The following ASIC2 variants were observed in gnomAD, a reference collection of about 807,000 sequenced individuals.
The protein encoded by ASIC2 is acid sensing ion channel subunit 2.
In ASIC2, 25 loss-of-function variants were observed where a neutral mutation model predicts 57.3. The observed-to-expected ratio is 0.44, with a 90% confidence interval of 0.32 to 0.61. The LOEUF is 0.61. ASIC2 is among the 20% of genes least tolerant of loss of function. The probability of loss-of-function intolerance (pLI) is 0.06; values close to 1 mark genes in which losing one functional copy is unlikely to be tolerated. For missense variants in ASIC2, 641 were observed against 738.1 expected (o/e 0.87, Z 1.52); for synonymous variants, 319 against 307.5 (o/e 1.04, Z -0.39).
intron 1 of ASIC2, among the ~76,000 whole-genome samples, chr17:33,216,282 G>T (rs1907484912): frequency 6.6e-6 from 1 of 152,106 alleles, no homozygotes; most frequent in African/African-American, 2.4e-5. Context: ...AAACTCTAAC[G>T]TCATCTAGAG....
rs536281537 is a variant in ASIC2 at position 33,682,234 on chromosome 17, T to A, written c.555+473744A>T. 3.2e-3 allele frequency among the ~76,000 whole-genome samples: 481 copies of A among 151,852 alleles called. 1 individual carries two copies. The highest frequency in any genetic ancestry group is 1.0e-2 in the African/African-American group (412 of 41,380). On this transcript the variant is annotated intron_variant, in intron 1 of 9. Coordinates refer to the ASIC2 transcript ENST00000359872. ...GCCACCATGCCTGGCTAATTTTTTTTTTTTTTATTTTTAGTAGAGACGGGG... is the reference window on the plus strand; with the variant it reads ...GCCACCATGCCTGGCTAATTTTTTTATTTTTTATTTTTAGTAGAGACGGGG...
chr17:33,272,969 T>C (rs547210452), intron 1 of ASIC2, among the ~76,000 whole-genome samples: 1 of 152,290 alleles, frequency 6.6e-6, no homozygotes, highest in Non-Finnish European at 1.5e-5. Flanking sequence ...CACGCCAGCC[T>C]CCTTTTCCAC....
chr17:33,541,984 A>T (rs1273363004), intron 1 of ASIC2, among the ~76,000 whole-genome samples: 1 of 152,230 alleles, frequency 6.6e-6, no homozygotes, highest in Non-Finnish European at 1.5e-5. Context: ...CATGGGAATA[A>T]TGAAAGTTTC....
At chr17:33,324,706 C>T (rs1022785369) in intron 1 of ASIC2, among the ~76,000 whole-genome samples, 1 of 152,172 alleles carries the variant, frequency 6.6e-6, no homozygotes, top group Non-Finnish European at 1.5e-5. Flanking sequence ...TTCTCTTCTC[C>T]CCATTAAGAG....
chr17:33,769,062 C>G (rs761985916), intron 1 of ASIC2, among the ~76,000 whole-genome samples: 32 of 152,204 alleles, frequency 2.1e-4, no homozygotes, highest in African/African-American at 5.3e-4. Flanking sequence ...TTCTTGGATA[C>G]TGGACAAAAG....
intron 1 of ASIC2, among the ~76,000 whole-genome samples, chr17:33,212,089 A>G (rs1259109924): frequency 6.6e-6 from 1 of 152,226 alleles, no homozygotes; most frequent in Non-Finnish European, 1.5e-5. Context: ...TCTGTCTCTA[A>G]GGCTCCCAAT....
At chr17:33,880,567 A>C (rs1452166756) in intron 1 of ASIC2, among the ~76,000 whole-genome samples, 5 of 152,208 alleles carry the variant, frequency 3.3e-5, no homozygotes, top group Non-Finnish European at 7.3e-5. Context: ...GAAGAAGTTG[A>C]ATCTCTGAAT....
intron 1 of ASIC2, among the ~76,000 whole-genome samples, chr17:33,443,289 G>A (rs538813465): frequency 7.9e-5 from 12 of 152,004 alleles, no homozygotes; most frequent in South Asian, 4.2e-4. Context: ...AAGTATCCTC[G>A]CCTCCATTTC....
At chr17:33,599,410 G>T (rs1905070102) in intron 1 of ASIC2, among the ~76,000 whole-genome samples, 1 of 152,172 alleles carries the variant, frequency 6.6e-6, no homozygotes, top group African/African-American at 2.4e-5. Flanking sequence ...CCTGTCTCAG[G>T]ACATGTAGGA....
intron 1 of ASIC2, among the ~76,000 whole-genome samples, chr17:33,594,379 C>T (rs1465938707): frequency 1.3e-5 from 2 of 152,232 alleles, no homozygotes; most frequent in Non-Finnish European, 2.9e-5. Flanking sequence ...GAGAGAAACC[C>T]AGTGAAGGTC....
At chr17:33,944,664 C>CTGCCCTGCCTGCTCCTCAGGGT (rs1644197391) in intron 1 of ASIC2, among the ~76,000 whole-genome samples, 2 of 152,326 alleles carry the variant, frequency 1.3e-5, no homozygotes, top group East Asian at 1.9e-4. Context: ...TGAAACACTT[C>CTGCCCTGCCTGCTCCTCAGGGT]TGCCCTGCCT....
chr17:33,418,024 ATGTATGTGTGTGTGTG>A lies in ASIC2; in HGVS notation c.556-305973_556-305958del, dbSNP rs1459599746. Among the ~76,000 whole-genome samples the A allele has an allele frequency of 2.4e-3, 260 of 110,362 alleles. 2 individuals are homozygous for A. Among genetic ancestry groups the A allele is most frequent in the African/African-American group, 7.2e-3 (237 of 32,780 alleles). 72.4% of individuals were successfully genotyped at this position (110,362 alleles called of 152,430 possible). ...GGCCCCACTCTGGCTCTCAGCATGT[ATGTATGTGTGTGTGTG>A]TGTGTGTGTGTGTGTGTGTGTGTGT... On this transcript the variant is annotated intron_variant, in intron 1 of 9. Transcript: ENST00000359872.
intron 1 of ASIC2, among the ~76,000 whole-genome samples, chr17:33,760,280 G>T (rs908862639): frequency 2.1e-4 from 32 of 151,972 alleles, no homozygotes; most frequent in African/African-American, 7.5e-4. Flanking sequence ...ATATTTTATG[G>T]AATATATATA....
chr17:33,890,060 G>A (rs1011560062), intron 1 of ASIC2, among the ~76,000 whole-genome samples: 1 of 152,082 alleles, frequency 6.6e-6, no homozygotes, highest in East Asian at 1.9e-4. Flanking sequence ...GTTCAATATG[G>A]TAGCCACTAG....
intron 1 of ASIC2, among the ~76,000 whole-genome samples, chr17:33,639,245 T>G (rs982967283): frequency 8.5e-5 from 13 of 152,188 alleles, no homozygotes; most frequent in Non-Finnish European, 1.6e-4. Context: ...CTTGGTAAAC[T>G]GGCTAGCTTT....
At chr17:33,440,427 C>T (rs28461477) in intron 1 of ASIC2, among the ~76,000 whole-genome samples, 1,547 of 152,308 alleles carry the variant, frequency 0.01, 27 homozygotes, top group African/African-American at 0.036. Flanking sequence ...CTGTTATAAA[C>T]AATTGCATAC....
At chr17:34,084,770 G>T (rs62059031) in intron 1 of ASIC2, among the ~76,000 whole-genome samples, 1 of 152,142 alleles carries the variant, frequency 6.6e-6, no homozygotes, top group African/African-American at 2.4e-5. Context: ...CCCTTGTAAG[G>T]TGGATTCCTA....
chr17:34,011,247 C>T (rs1906746047), intron 1 of ASIC2, among the ~76,000 whole-genome samples: 1 of 152,044 alleles, frequency 6.6e-6, no homozygotes, highest in African/African-American at 2.4e-5. Context: ...AGAAACGCAG[C>T]CACACACATA....
chr17:34,085,861 A>G lies in ASIC2; in HGVS notation c.555+70117T>C, dbSNP rs1415461453. Reference sequence around the variant, plus strand: ...GTAGTATTCTCTGATGGTAGTTTGTATTTCTGTGGGATCGGTGGTGACATC... The same window carrying G: ...GTAGTATTCTCTGATGGTAGTTTGTGTTTCTGTGGGATCGGTGGTGACATC... On this transcript the variant is annotated intron_variant, in intron 1 of 9. Transcript: ENST00000359872. Among the ~76,000 whole-genome samples, 5 of 151,612 alleles carry G rather than the reference A, an allele frequency of 3.3e-5. No homozygotes were observed. The South Asian group carries it at 8.3e-4, about 25-fold the overall frequency.
Sources: gnomAD v4.1 joint callset for allele counts (sites outside exome capture counted in the v4.1 genomes callset) on GRCh38, gnomAD v4.1.1 for gene constraint, MANE v1.5 for transcripts, NCBI Gene and HGNC (gene_info 2026-07-23, HGNC 2026-07-21) for gene names.